Variants in FREM2 observed in about 807,000 individuals in gnomAD.
FREM2 encodes FRAS1-related extracellular matrix protein 2.
In FREM2, 119 loss-of-function variants were observed where a neutral mutation model predicts 219.9. That is an observed-to-expected ratio of 0.54 (90% CI 0.47 to 0.63). The LOEUF (loss-of-function observed/expected upper bound fraction) is 0.63. FREM2 is among the 30% of genes least tolerant of loss of function. The pLI is 0.00. For synonymous variants in FREM2, 1,562 were observed against 1,522.8 expected, an observed-to-expected ratio of 1.03 and a Z score of -0.60; for missense variants, 4,030 against 3,993.6, an observed-to-expected ratio of 1.01 and a Z score of -0.25.
intron 16 of FREM2, among the ~76,000 whole-genome samples, 159 bp from the exon 17 acceptor site, chr13:38,872,583 T>C (rs576024404): frequency 6.6e-6 from 1 of 152,300 alleles, no homozygotes; most frequent in South Asian, 2.1e-4. Context: ...GATCCAAAAT[T>C]AAGTGAGGGG....
rs189384081 is a variant in FREM2 at position 38,878,127 on chromosome 13, A to T, written c.8672-7A>T. 1 of 1,609,288 alleles carries T rather than the reference A, an allele frequency of 6.2e-7. No individual in the cohort carries two copies. Among genetic ancestry groups the T allele is most frequent in the Non-Finnish European group, 8.5e-7 (1 of 1,175,868 alleles). On this transcript the variant is annotated splice_polypyrimidine_tract_variant and splice_region_variant and intron_variant, in intron 21 of 23. Transcript: ENST00000280481. ...ACAGAAATAACATTTCCACATCTCT[A>T]TTTCAGGTGATATAATTTATGGTCG... is the stretch of plus-strand genomic sequence containing the variant.
At chr13:38,813,948 T>C (rs1216595600) in intron 6 of FREM2, among the ~76,000 whole-genome samples, 1 of 152,038 alleles carries the variant, frequency 6.6e-6, no homozygotes, top group African/African-American at 2.4e-5. Context: ...TCACTAATTC[T>C]TTATCCTGCT....
intron 15 of FREM2, among the ~76,000 whole-genome samples, chr13:38,862,260 C>T (rs889920208): frequency 6.6e-6 from 1 of 152,162 alleles, no homozygotes; most frequent in Non-Finnish European, 1.5e-5. Flanking sequence ...TCTACCTCCC[C>T]CAGAACAAGA....
Position 38,765,103 on chromosome 13 carries a change from G to C in FREM2, c.5410+653G>C, listed in dbSNP as rs561131924. ...TTTTTTGTATTTTTAGTAGAGACGG[G>C]GTTTCACCGTGTTAGCCAGGATAGT... On this transcript the variant is annotated intron_variant, in intron 3 of 23. Coordinates refer to ENST00000280481, the MANE Select transcript of FREM2 (RefSeq NM_207361.6). Among the ~76,000 whole-genome samples, 16 of 152,156 alleles carry C rather than the reference G, an allele frequency of 1.1e-4. No individual in the cohort carries two copies. In the East Asian group the frequency reaches 2.9e-3, roughly 28 times the overall value.
At position 38,690,832 on chromosome 13, in the gene FREM2, T is replaced by C; in HGVS notation, c.3488T>C (p.Phe1163Ser). The change falls in exon 1 of 24, where the codon TTT becomes TCT. Residue 1163 changes from phenylalanine (F) to serine (S), a missense_variant. Physicochemically the swap from Phe to Ser is radical, Grantham distance 155. Transcript: ENST00000280481. ...HKGVEPVEDR[F>S]VFRCSDGINF... ...GGGGTGGAACCTGTGGAGGACCGAT[T>C]TGTATTTCGTTGTTCTGATGGCATT... 6.2e-7 allele frequency: 1 copy of C among 1,614,124 alleles called. No homozygotes were observed. Among genetic ancestry groups the C allele is most frequent in the Admixed American group, 1.7e-5 (1 of 60,012 alleles).
chr13:38,788,820 T>G (rs1163395623), intron 6 of FREM2, among the ~76,000 whole-genome samples: 1 of 152,122 alleles, frequency 6.6e-6, no homozygotes, highest in Admixed American at 6.6e-5. Flanking sequence ...AGTAACATTT[T>G]ATCAGGTTAA....
chr13:38,858,057 G>A, intron 13 of FREM2, 24 bp downstream of exon 13: 5 of 1,588,962 alleles, frequency 3.1e-6, no homozygotes, highest in Non-Finnish European at 4.3e-6. Context: ...TCACAAAATT[G>A]AGGAAAATTG....
chr13:38,837,775 G>GTTGTTT (rs1876772470), intron 6 of FREM2, among the ~76,000 whole-genome samples: 2 of 128,848 alleles, frequency 1.6e-5, no homozygotes, highest in South Asian at 2.6e-4. Flanking sequence ...GTTTTTTTTT[G>GTTGTTT]TTTTGTTTTG....
chr13:38,718,508 C>G (rs918579208), intron 2 of FREM2, among the ~76,000 whole-genome samples: 1 of 152,124 alleles, frequency 6.6e-6, no homozygotes, highest in Non-Finnish European at 1.5e-5. Context: ...ATCTTTTGAA[C>G]TTGGAATTCC....
At chr13:38,705,325 A>G (rs1566111284) in intron 2 of FREM2, among the ~76,000 whole-genome samples, 2 of 152,202 alleles carry the variant, frequency 1.3e-5, no homozygotes, top group Non-Finnish European at 2.9e-5. Context: ...CCAGCAGAGA[A>G]TGGTGCTGCC....
chr13:38,743,076 ACTGATT>A (rs1400881585), intron 2 of FREM2, among the ~76,000 whole-genome samples: 1 of 152,162 alleles, frequency 6.6e-6, no homozygotes, highest in Non-Finnish European at 1.5e-5. Flanking sequence ...TGATGGACAA[ACTGATT>A]TAACTAAATC....
Position 38,692,495 on chromosome 13 carries a change from C to T in FREM2, c.5151C>T (p.His1717=). Residue 1717 remains histidine (H), a synonymous_variant, in exon 1 of 24, where the codon CAC becomes CAT. Coordinates refer to ENST00000280481, the MANE Select transcript of FREM2 (RefSeq NM_207361.6). ...GYLLNLDKGN[H]SITQFTQADI... is the part of the protein sequence containing the mutation. Reference sequence around the variant, plus strand: ...TTCTCAACCTGGACAAAGGCAACCACAGCATCACTCAGTTCACACAAGGTA... The same window carrying T: ...TTCTCAACCTGGACAAAGGCAACCATAGCATCACTCAGTTCACACAAGGTA... 1.2e-6 allele frequency: 2 copies of T among 1,611,830 alleles called. No individual in the cohort carries two copies. The highest frequency in any genetic ancestry group is 1.7e-6 in the Non-Finnish European group (2 of 1,179,988).
chr13:38,741,562 T>C (rs1474031427), intron 2 of FREM2, among the ~76,000 whole-genome samples: 1 of 152,302 alleles, frequency 6.6e-6, no homozygotes, highest in African/African-American at 2.4e-5. Context: ...AAGTCATTGT[T>C]AGGAGCGAAT....
At chr13:38,861,385 T>C in intron 14 of FREM2, 46 bp from the exon 15 acceptor site, 3 of 1,596,726 alleles carry the variant, frequency 1.9e-6, no homozygotes, top group Middle Eastern at 3.3e-4. Flanking sequence ...TTAGGTATTA[T>C]TGATTACCTT....
chr13:38,747,445 A>G (rs145977217), intron 2 of FREM2, among the ~76,000 whole-genome samples: 6 of 144,960 alleles, frequency 4.1e-5, no homozygotes, highest in African/African-American at 1.6e-4. Flanking sequence ...CTGTTGCCCT[A>G]AATCTCCAGA....
chr13:38,734,738 C>CTTTTT (rs11314517), intron 2 of FREM2, among the ~76,000 whole-genome samples: 13 of 89,394 alleles, frequency 1.5e-4, no homozygotes, highest in African/African-American at 2.2e-4. Context: ...CAGTGCTATA[C>CTTTTT]TTTTTTTTTT....
chr13:38,834,629 T>C (rs893959283), intron 6 of FREM2, among the ~76,000 whole-genome samples: 1 of 152,248 alleles, frequency 6.6e-6, no homozygotes, highest in Non-Finnish European at 1.5e-5. Flanking sequence ...CCTGACTTTT[T>C]AATGATCGCC....
In FREM2 at chr13:38,877,170, C is replaced by A; in HGVS notation, c.8598C>A (p.Leu2866=). ...EFSLNTQMYL[L]SKKSLWLSDG... ...GCTTGAACACCCAAATGTACCTGCT[C>A]TCTAAGAAGAGTCTCTGGTTGTCTG... Residue 2866 remains leucine (L), a synonymous_variant, in exon 21 of 24, where the codon CTC becomes CTA. Transcript: ENST00000280481. 1.2e-6 allele frequency: 2 copies of A among 1,614,030 alleles called. No homozygotes were observed. Among genetic ancestry groups the A allele is most frequent in the Non-Finnish European group, 1.7e-6 (2 of 1,179,916 alleles).
Position 38,748,201 on chromosome 13 carries a change from T to C in FREM2, c.5264-16103T>C, listed in dbSNP as rs186923589. On this transcript the variant is annotated intron_variant, in intron 2 of 23. Transcript: ENST00000280481. Reference sequence around the variant, plus strand: ...GTGTTCCAACAGTAAATGTGGTCTGTCTGTGGAACGAATATACCAGTAGTC... The same window carrying C: ...GTGTTCCAACAGTAAATGTGGTCTGCCTGTGGAACGAATATACCAGTAGTC... Among the ~76,000 whole-genome samples, 197 of 152,340 alleles carry C rather than the reference T, an allele frequency of 1.3e-3. 2 individuals carry two copies. The South Asian group carries it at 0.025, about 19-fold the overall frequency.
Sources: gnomAD v4.1 joint callset for allele counts (sites outside exome capture counted in the v4.1 genomes callset) on GRCh38, gnomAD v4.1.1 for gene constraint, MANE v1.5 for transcripts, NCBI Gene and HGNC (gene_info 2026-07-23, HGNC 2026-07-21) for gene names.